The following PDS5B variants were observed in gnomAD, a reference collection of about 807,000 sequenced individuals.
The protein encoded by PDS5B is PDS5 cohesin associated factor B, also known as sister chromatid cohesion protein PDS5 homolog B.
Under a neutral mutation model 184.1 loss-of-function variants are expected in PDS5B, and 51 were observed. That is an observed-to-expected ratio of 0.28 (90% CI 0.22 to 0.35). The LOEUF is 0.35. PDS5B is among the 10% of genes least tolerant of loss of function. The pLI is 1.00. For missense variants in PDS5B, 1,180 were observed against 1,723.3 expected (o/e 0.68, Z 5.58); for synonymous variants, 566 against 569.2 (o/e 0.99, Z 0.08).
intron 1 of PDS5B, among the ~76,000 whole-genome samples, chr13:32,620,861 C>T (rs2050268839): frequency 6.6e-6 from 1 of 152,142 alleles, no homozygotes; most frequent in Non-Finnish European, 1.5e-5. Flanking sequence ...TTTCTTCTTT[C>T]TATCTGGTGA....
intron 1 of PDS5B, among the ~76,000 whole-genome samples, chr13:32,616,826 G>A (rs2058227542): frequency 6.6e-6 from 1 of 152,086 alleles, no homozygotes; most frequent in African/African-American, 2.4e-5. Context: ...TTGTCCTAGT[G>A]GAAATGCCCT....
At chr13:32,738,235 A>G (rs1436124941) in intron 21 of PDS5B, among the ~76,000 whole-genome samples, 1 of 152,194 alleles carries the variant, frequency 6.6e-6, no homozygotes, top group Non-Finnish European at 1.5e-5. Context: ...TTTTATTCCT[A>G]CGAGTGAAGT....
At position 32,648,768 on chromosome 13, in the gene PDS5B, C is replaced by G. The variant is rs762676964; in HGVS notation, c.-5C>G. On this transcript the variant is annotated 5_prime_UTR_variant, in exon 2 of 35. Transcript: ENST00000315596. Reference sequence around the variant, plus strand: ...TCTTGTTTCAGGGGTAGAAATATTTCTGTCATGGCTCATTCAAAGACTAGG... The same window carrying G: ...TCTTGTTTCAGGGGTAGAAATATTTGTGTCATGGCTCATTCAAAGACTAGG... 7.5e-7 allele frequency: 1 copy of G among 1,330,552 alleles called. No homozygotes were observed. Among genetic ancestry groups the G allele is most frequent in the Admixed American group, 1.7e-5 (1 of 58,200 alleles). The allele number at this position is 1,330,552 out of a possible 1,614,324, so 82.4% of individuals were successfully genotyped here. A position where few individuals can be genotyped will look rare whatever the true frequency, so the allele number is the denominator to read the frequency against.
At chr13:32,682,300 G>A (rs188954081) in intron 10 of PDS5B, among the ~76,000 whole-genome samples, 2 of 152,128 alleles carry the variant, frequency 1.3e-5, no homozygotes, top group East Asian at 3.9e-4. Context: ...CTTCCAGTTA[G>A]TTCTCTCACC....
Position 32,746,160 on chromosome 13 carries a change from A to G in PDS5B, c.2736+60A>G. The stretch of plus-strand genomic sequence containing the variant: ...GGTCTTTGACTTTTAGGAAGGAAAA[A>G]CATCCACTGTGATACATAGATTAAA... On this transcript the variant is annotated intron_variant, in intron 24 of 34. Transcript: ENST00000315596. 6.3e-6 allele frequency: 9 copies of G among 1,434,254 alleles called. No homozygotes were observed. In the South Asian group the frequency reaches 8.5e-5, roughly 14 times the overall value. 88.8% of individuals were successfully genotyped at this position (1,434,254 alleles called of 1,614,324 possible). A position where few individuals can be genotyped will look rare whatever the true frequency, so the allele number is the denominator to read the frequency against.
chr13:32,750,544 C>T (rs1043317956), intron 24 of PDS5B, among the ~76,000 whole-genome samples: 1 of 151,524 alleles, frequency 6.6e-6, no homozygotes, highest in Non-Finnish European at 1.5e-5. Flanking sequence ...ACAGCTAATT[C>T]CCCCCTCCTC....
intron 12 of PDS5B, among the ~76,000 whole-genome samples, chr13:32,688,092 G>GA (rs1951447274): frequency 6.6e-6 from 1 of 152,038 alleles, no homozygotes; most frequent in Non-Finnish European, 1.5e-5. Flanking sequence ...AAATGCAAAA[G>GA]AATCTTAAGA....
chr13:32,703,706 A>T (rs1951926765), intron 17 of PDS5B, among the ~76,000 whole-genome samples: 1 of 152,206 alleles, frequency 6.6e-6, no homozygotes, highest in South Asian at 2.1e-4. Flanking sequence ...AGTCCCCTAT[A>T]GTAGTCAGTG....
intron 1 of PDS5B, among the ~76,000 whole-genome samples, chr13:32,586,990 C>CCCGCCG (rs541950918): frequency 5.0e-5 from 7 of 140,808 alleles, no homozygotes; most frequent in South Asian, 2.2e-4. Flanking sequence ...CCCGCGCCCT[C>CCCGCCG]CCGCCGCCGC....
chr13:32,654,552 A>G (rs1342266456), intron 3 of PDS5B, among the ~76,000 whole-genome samples: 3 of 152,098 alleles, frequency 2.0e-5, no homozygotes, highest in Non-Finnish European at 1.5e-5. Context: ...ATTGTGTTTT[A>G]GGTGCAGGGG....
At chr13:32,655,246 CTTG>C (rs905255473) in intron 3 of PDS5B, among the ~76,000 whole-genome samples, 1 of 148,784 alleles carries the variant, frequency 6.7e-6, no homozygotes. Flanking sequence ...GAGATGATAT[CTTG>C]TTGTGGTTTT....
intron 25 of PDS5B, among the ~76,000 whole-genome samples, chr13:32,755,025 C>T (rs1045001808): frequency 2.7e-4 from 41 of 152,054 alleles, no homozygotes; most frequent in African/African-American, 9.2e-4. Context: ...CTTTCCACGT[C>T]GGCCTTGAAA....
intron 13 of PDS5B, among the ~76,000 whole-genome samples, chr13:32,692,414 CCTTTTTTTTTTTTTTTT>C (rs1340047742): frequency 2.9e-5 from 2 of 69,124 alleles, no homozygotes; most frequent in African/African-American, 1.0e-4. Context: ...GTCCAAAAAG[CCTTTTTTTTTTTTTTTT>C]TTTTTTTTTT....
chr13:32,709,170 G>A (rs953657598), intron 18 of PDS5B, among the ~76,000 whole-genome samples: 9 of 151,022 alleles, frequency 6.0e-5, no homozygotes, highest in African/African-American at 2.2e-4. Context: ...GCTGTGTGCT[G>A]TTTTTTTTAC....
Position 32,770,201 on chromosome 13 carries a change from T to A in PDS5B, c.3705T>A (p.Thr1235=). Residue 1235 remains threonine, a synonymous_variant, in exon 32 of 35, where the codon ACT becomes ACA. Transcript: ENST00000315596. ...AGAAATTAGGTATGGATGACTTGAC[T>A]AAGTTGGTACAGGAACAGAAACCTA... ...QEEKLGMDDL[T]KLVQEQKPKG... The A allele has an allele frequency of 9.3e-6, 15 of 1,613,770 alleles. No individual in the cohort carries two copies. Among genetic ancestry groups the A allele is most frequent in the Non-Finnish European group, 1.2e-5 (14 of 1,179,958 alleles).
At chr13:32,725,904 T>G (rs1184931468) in intron 19 of PDS5B, among the ~76,000 whole-genome samples, 1 of 152,214 alleles carries the variant, frequency 6.6e-6, no homozygotes, top group East Asian at 1.9e-4. Flanking sequence ...AGATCTGCAG[T>G]CAAATTCCCA....
At chr13:32,687,818 G>A (rs560187322) in intron 12 of PDS5B, among the ~76,000 whole-genome samples, 4 of 152,202 alleles carry the variant, frequency 2.6e-5, no homozygotes, top group East Asian at 1.9e-4. Context: ...AGTCTGAAAT[G>A]ATTTGATAGG....
rs1228378794 is a variant in PDS5B, at chr13:32,679,914, TG to T, written c.1057+986del. On this transcript the variant is annotated intron_variant, in intron 10 of 34. Transcript: ENST00000315596. ...GTGTGTGTGTGTGTGTGTGTGTGTG[TG>T]TCTGTTTCTACACCTCCCCTTTCTC... Among the ~76,000 whole-genome samples, 581 of 151,516 alleles carry T rather than the reference TG, an allele frequency of 3.8e-3. 4 individuals are homozygous for T. The highest frequency in any genetic ancestry group is 0.014 in the African/African-American group (563 of 41,164).
chr13:32,592,403 A>C (rs1373313202), intron 1 of PDS5B, among the ~76,000 whole-genome samples: 2 of 151,984 alleles, frequency 1.3e-5, no homozygotes, highest in Non-Finnish European at 2.9e-5. Context: ...CTACAGGTGC[A>C]CGCCACCACG....
Sources: allele counts gnomAD v4.1 joint callset (sites outside exome capture counted in the v4.1 genomes callset), GRCh38; gene constraint gnomAD v4.1.1; transcripts MANE v1.5; gene names NCBI Gene and HGNC (gene_info 2026-07-23, HGNC 2026-07-21).